Variants in M1AP observed in about 807,000 individuals in gnomAD.
M1AP encodes meiosis 1 associated protein, also known as meiosis 1 arrest protein.
A neutral mutation model predicts 51.2 loss-of-function variants in M1AP; 39 were observed. The observed-to-expected ratio is 0.76, with a 90% CI of 0.59 to 1.00. M1AP has a LOEUF of 1.00. M1AP is among the 50% of genes least tolerant of loss of function. The probability of loss-of-function intolerance (pLI) is 0.00; values close to 1 mark genes in which losing one functional copy is unlikely to be tolerated. For missense variants in M1AP, 545 were observed against 641.2 expected, an observed-to-expected ratio of 0.85 and a Z score of 1.62; for synonymous variants, 251 against 249.2, an observed-to-expected ratio of 1.01 and a Z score of -0.07.
rs1677835991 is a variant in M1AP at position 74,560,368 on chromosome 2, G to A, written c.1282-77C>T. ...CAAGATGTCAGGTAGCGATCCAGGA[G>A]TGTGAGGGGCTGGAGGAAGTGTGAA... On this transcript the variant is annotated intron_variant, in intron 8 of 10. Transcript: ENST00000421985. 2.1e-6 allele frequency: 3 copies of A among 1,445,962 alleles called. No homozygotes were observed. The Admixed American group carries it at 6.9e-5, about 33-fold the overall frequency. 89.6% of individuals were successfully genotyped at this position (1,445,962 alleles called of 1,614,324 possible).
intron 4 of M1AP, among the ~76,000 whole-genome samples, chr2:74,596,112 C>T (rs187352824): frequency 1.3e-5 from 2 of 152,050 alleles, no homozygotes; most frequent in Admixed American, 6.6e-5. Flanking sequence ...GACCTGAGTC[C>T]AACTATATGA....
At chr2:74,612,315 C>A (rs1681413768) in intron 3 of M1AP, among the ~76,000 whole-genome samples, 1 of 151,956 alleles carries the variant, frequency 6.6e-6, no homozygotes, top group Non-Finnish European at 1.5e-5. Context: ...AACTCCTGGG[C>A]TCAAGCAATC....
chr2:74,636,718 A>G (rs1337915607), intron 2 of M1AP, among the ~76,000 whole-genome samples: 1 of 152,118 alleles, frequency 6.6e-6, no homozygotes, highest in African/African-American at 2.4e-5. Context: ...TGAAGTGTAG[A>G]AAACTTACCT....
intron 6 of M1AP, 39 bp from the exon 7 acceptor site, chr2:74,575,618 T>TA (rs773609290): frequency 6.6e-7 from 1 of 1,520,624 alleles, no homozygotes; most frequent in African/African-American, 1.4e-5. Context: ...TCCTTAGTGA[T>TA]ATCTAGAACC....
intron 4 of M1AP, among the ~76,000 whole-genome samples, chr2:74,595,744 A>G (rs968551304): frequency 1.3e-5 from 2 of 152,232 alleles, no homozygotes; most frequent in African/African-American, 4.8e-5. Context: ...TGGACTTAAT[A>G]GCAAGTTTTC....
At chr2:74,595,403 G>A (rs1276341969) in intron 4 of M1AP, among the ~76,000 whole-genome samples, 1 of 152,122 alleles carries the variant, frequency 6.6e-6, no homozygotes, top group Non-Finnish European at 1.5e-5. Flanking sequence ...CCAGGCTGGA[G>A]TGCAGTGGCA....
chr2:74,614,675 C>T (rs1254646622), intron 3 of M1AP, among the ~76,000 whole-genome samples: 1 of 152,178 alleles, frequency 6.6e-6, no homozygotes, highest in Non-Finnish European at 1.5e-5. Context: ...TTCCAAAAAT[C>T]CAGAGGCAGA....
intron 8 of M1AP, among the ~76,000 whole-genome samples, chr2:74,561,756 C>T (rs1678029028): frequency 6.6e-6 from 1 of 152,140 alleles, no homozygotes; most frequent in African/African-American, 2.4e-5. Flanking sequence ...ACCAAACAAG[C>T]GTCCAGTGCA....
At chr2:74,647,468 T>C in intron 1 of M1AP, 1 of 858,700 alleles carries the variant, frequency 1.2e-6, no homozygotes, top group Non-Finnish European at 1.4e-6. Context: ...GTGGACCCCT[T>C]CCTCCATTAA....
chr2:74,575,738 A>G (rs1034830119), intron 6 of M1AP, among the ~76,000 whole-genome samples, 159 bp from the exon 7 acceptor site: 1 of 152,270 alleles, frequency 6.6e-6, no homozygotes, highest in Non-Finnish European at 1.5e-5. Context: ...CTAGCATAGT[A>G]TCTAGCACAC....
At position 74,559,856 on chromosome 2, in the gene M1AP, G is replaced by C. The variant is rs1677784438; in HGVS notation, c.1423-147C>G. 9.0e-6 allele frequency: 6 copies of C among 669,428 alleles called. No individual in the cohort carries two copies. In the Admixed American group the frequency reaches 1.4e-4, roughly 15 times the overall value. The allele number at this position is 669,428 out of a possible 1,614,324, so 41.5% of individuals were successfully genotyped here. A position where few individuals can be genotyped will look rare whatever the true frequency, so the allele number is the denominator to read the frequency against. ...CAGCCTTTTCTTTCACGAGGACTGT[G>C]GTTATAGTTCCTGTGTAGCCAGTTT... On this transcript the variant is annotated intron_variant, in intron 9 of 10. Transcript: ENST00000421985.
At chr2:74,565,455 C>A (rs1309348092) in intron 7 of M1AP, among the ~76,000 whole-genome samples, 5 of 151,960 alleles carry the variant, frequency 3.3e-5, no homozygotes, top group African/African-American at 9.7e-5. Flanking sequence ...TGGTTTAATA[C>A]CCTCAAATCA....
intron 2 of M1AP, among the ~76,000 whole-genome samples, chr2:74,630,502 G>T (rs1000482834): frequency 2.0e-5 from 3 of 152,010 alleles, no homozygotes; most frequent in Non-Finnish European, 4.4e-5. Flanking sequence ...TCCTCAACGG[G>T]CCCCAGTGTG....
intron 4 of M1AP, among the ~76,000 whole-genome samples, chr2:74,604,821 T>G (rs1389249035): frequency 6.6e-6 from 1 of 152,170 alleles, no homozygotes; most frequent in African/African-American, 2.4e-5. Context: ...AAGGAAAATG[T>G]CATTAAGGTA....
At chr2:74,619,086 AGACCACTGT>A (rs2104755044) in intron 2 of M1AP, 1 of 404,808 alleles carries the variant, frequency 2.5e-6, no homozygotes, top group South Asian at 1.9e-5. Flanking sequence ...ATTGCACCAC[AGACCACTGT>A]GCTTATTATT....
Position 74,558,291 on chromosome 2 carries a change from C to G in M1AP, c.*425G>C, listed in dbSNP as rs1677645554. The stretch of plus-strand genomic sequence containing the variant: ...AGGCTCTGAAATGAGGCTTGGATTT[C>G]AATCTTACTTGTCTTTTATGAGCTT... On this transcript the variant is annotated 3_prime_UTR_variant, in exon 11 of 11. Coordinates refer to ENST00000421985, the MANE Select transcript of M1AP (RefSeq NM_001321739.2). The G allele has an allele frequency of 5.7e-6, 1 of 175,652 alleles. No individual in the cohort carries two copies. Among genetic ancestry groups the G allele is most frequent in the African/African-American group, 2.4e-5 (1 of 41,560 alleles). The allele number at this position is 175,652 out of a possible 1,614,324, so 10.9% of individuals were successfully genotyped here. A position where few individuals can be genotyped will look rare whatever the true frequency, so the allele number is the denominator to read the frequency against.
chr2:74,641,376 T>A (rs1683287444), intron 1 of M1AP, among the ~76,000 whole-genome samples: 1 of 152,280 alleles, frequency 6.6e-6, no homozygotes, highest in East Asian at 1.9e-4. Context: ...ATATAAGGAA[T>A]GAGAAAGGGA....
At chr2:74,628,000 A>AT (rs1364747074) in intron 2 of M1AP, among the ~76,000 whole-genome samples, 1 of 152,204 alleles carries the variant, frequency 6.6e-6, no homozygotes, top group African/African-American at 2.4e-5. Context: ...AAAGGTCTCC[A>AT]TTTTATATAT....
intron 2 of M1AP, chr2:74,615,427 A>C: frequency 2.8e-6 from 1 of 361,240 alleles, no homozygotes; most frequent in South Asian, 3.3e-5. Context: ...ACACAAAGGG[A>C]AATCCAGTTG....
Sources: gnomAD v4.1 joint callset for allele counts (sites outside exome capture counted in the v4.1 genomes callset) on GRCh38, gnomAD v4.1.1 for gene constraint, MANE v1.5 for transcripts, NCBI Gene and HGNC (gene_info 2026-07-23, HGNC 2026-07-21) for gene names.